Variants in LCA5 observed in about 807,000 individuals in gnomAD.
The protein encoded by LCA5 is lebercilin.
Under a neutral mutation model 53.0 loss-of-function variants are expected in LCA5, and 37 were observed. That is an observed-to-expected ratio of 0.70 (90% CI 0.54 to 0.92). The LOEUF (loss-of-function observed/expected upper bound fraction) is 0.92. LCA5 is among the 40% of genes least tolerant of loss of function. The probability of loss-of-function intolerance (pLI) is 0.00; values close to 1 mark genes in which losing one functional copy is unlikely to be tolerated. For synonymous variants in LCA5, 303 were observed against 282.9 expected, an observed-to-expected ratio of 1.07 and a Z score of -0.71; for missense variants, 806 against 790.5, an observed-to-expected ratio of 1.02 and a Z score of -0.23.
chr6:79,488,690 C>T (rs1442506012), intron 7 of LCA5: 4 of 312,996 alleles, frequency 1.3e-5, no homozygotes, highest in Non-Finnish European at 2.3e-5. Context: ...AACTCACTCA[C>T]AAATAGTTCT....
intron 3 of LCA5, among the ~76,000 whole-genome samples, chr6:79,508,014 T>C (rs1040310655): frequency 1.3e-5 from 2 of 152,128 alleles, no homozygotes. Context: ...AATATTAAAT[T>C]GAGGCTGATA....
intron 1 of LCA5, among the ~76,000 whole-genome samples, chr6:79,536,664 C>G (rs1454974644): frequency 6.6e-6 from 1 of 152,214 alleles, no homozygotes; most frequent in Non-Finnish European, 1.5e-5. Context: ...CGGCTTTCCA[C>G]TCTAACCACA....
intron 2 of LCA5, among the ~76,000 whole-genome samples, chr6:79,516,458 T>C (rs1057008081): frequency 6.6e-6 from 1 of 152,006 alleles, no homozygotes; most frequent in East Asian, 1.9e-4. Flanking sequence ...ACTTGTTTTA[T>C]ATGAAAAGTT....
rs1769649069 is a variant in LCA5, at chr6:79,486,227, T to G, written c.*777A>C. On this transcript the variant is annotated 3_prime_UTR_variant, in exon 8 of 8. Coordinates refer to ENST00000369846, the MANE Select transcript of LCA5 (RefSeq NM_001122769.3). ...TATTCCTTGCATTTGGCATGAAATC[T>G]TACACCCAGTCACTGAGATACAAAG... is the stretch of plus-strand genomic sequence containing the variant. The G allele has an allele frequency of 6.6e-6, 1 of 152,298 alleles. No individual in the cohort carries two copies. The highest frequency in any genetic ancestry group is 2.4e-5 in the African/African-American group (1 of 41,554). The allele number at this position is 152,298 out of a possible 1,614,324, so 9.4% of individuals were successfully genotyped here.
chr6:79,533,991 C>T (rs1348678066), intron 1 of LCA5, among the ~76,000 whole-genome samples: 1 of 150,144 alleles, frequency 6.7e-6, no homozygotes, highest in African/African-American at 2.4e-5. Context: ...CTCCTCCCCG[C>T]AAAAAAGATG....
rs1769660523 is a variant in LCA5 at position 79,486,549 on chromosome 6, T to C, written c.*455A>G. Reference sequence around the variant, plus strand: ...TGGCCCTATCCATAAAGGGAAGGGCTCCTAAGAAGCACTGGTTCTCCACCA... The same window carrying C: ...TGGCCCTATCCATAAAGGGAAGGGCCCCTAAGAAGCACTGGTTCTCCACCA... On this transcript the variant is annotated 3_prime_UTR_variant, in exon 8 of 8. Transcript: ENST00000369846. 6.3e-6 allele frequency: 1 copy of C among 159,676 alleles called. No homozygotes were observed. The highest frequency in any genetic ancestry group is 1.4e-5 in the Non-Finnish European group (1 of 73,384). 9.9% of individuals were successfully genotyped at this position (159,676 alleles called of 1,614,324 possible).
intron 3 of LCA5, among the ~76,000 whole-genome samples, chr6:79,509,453 C>CAA (rs55961532): frequency 8.3e-4 from 70 of 84,190 alleles, no homozygotes; most frequent in Admixed American, 4.5e-3. Flanking sequence ...GACTCCGTCT[C>CAA]AAAAAAAAAA....
chr6:79,513,247 C>G lies in LCA5; in HGVS notation c.685G>C (p.Glu229Gln), dbSNP rs770888765. ...DDLAKKLVSA[E>Q]LKLDDTERRI... ...CTCTCGGTGTCATCTAACTTTAACT[C>G]TGCTGAAACTAGTTTCTTTGCCAAA... The change falls in exon 3 of 8, where the codon GAG (glutamate) becomes CAG (glutamine). Residue 229 changes from glutamate to glutamine, a missense_variant. By Grantham distance (29) the Glu-to-Gln change is conservative. Transcript: ENST00000369846. The G allele has an allele frequency of 3.1e-5, 50 of 1,613,430 alleles. No homozygotes were observed. Among genetic ancestry groups the G allele is most frequent in the Non-Finnish European group, 4.2e-5 (49 of 1,179,732 alleles).
chr6:79,533,527 T>C (rs1286060916), intron 1 of LCA5, among the ~76,000 whole-genome samples: 1 of 150,310 alleles, frequency 6.7e-6, no homozygotes, highest in South Asian at 2.1e-4. Context: ...CAGCAATTAA[T>C]AGGAAGCTAC....
At chr6:79,526,856 A>G (rs1252872532) in intron 1 of LCA5, among the ~76,000 whole-genome samples, 2 of 152,156 alleles carry the variant, frequency 1.3e-5, no homozygotes, top group Non-Finnish European at 2.9e-5. Context: ...GTCCCCCTAC[A>G]AGCTATTATA....
chr6:79,515,196 T>C (rs1222682276), intron 2 of LCA5, among the ~76,000 whole-genome samples: 5 of 151,842 alleles, frequency 3.3e-5, no homozygotes, highest in Non-Finnish European at 7.4e-5. Context: ...ACCCAGCCCA[T>C]AGAAAGAAGA....
chr6:79,491,092 TG>T (rs1282204426), intron 6 of LCA5, among the ~76,000 whole-genome samples: 1 of 152,032 alleles, frequency 6.6e-6, no homozygotes, highest in Non-Finnish European at 1.5e-5. Context: ...ACAAATCATT[TG>T]AAAACTACTA....
chr6:79,531,363 A>G (rs1438741550), intron 1 of LCA5, among the ~76,000 whole-genome samples: 3 of 152,192 alleles, frequency 2.0e-5, no homozygotes, highest in Admixed American at 6.5e-5. Context: ...CCCTCTCTAC[A>G]GGATCATTCC....
intron 3 of LCA5, among the ~76,000 whole-genome samples, chr6:79,493,990 G>A (rs1319675834): frequency 6.6e-6 from 1 of 152,046 alleles, no homozygotes; most frequent in Non-Finnish European, 1.5e-5. Flanking sequence ...CTTAAGGCTG[G>A]GATGGTGGCT....
In LCA5 at chr6:79,500,331, GGAAA is replaced by G. The variant is rs1170368512; in HGVS notation, c.721-6585_721-6582del. Among the ~76,000 whole-genome samples the G allele has an allele frequency of 1.3e-4, 20 of 152,072 alleles. No individual in the cohort carries two copies. In the East Asian group the frequency reaches 3.7e-3, roughly 28 times the overall value. On this transcript the variant is annotated intron_variant, in intron 3 of 7. Transcript: ENST00000369846. ...TATCACAGAATTCTGTCTTGTTAAT[GGAAA>G]GAAATAAAGGATTAACATAATTTAA...
At chr6:79,509,939 T>C (rs1016569660) in intron 3 of LCA5, among the ~76,000 whole-genome samples, 10 of 152,190 alleles carry the variant, frequency 6.6e-5, no homozygotes, top group African/African-American at 2.2e-4. Context: ...AACTGATCTA[T>C]GTTTAATGCA....
chr6:79,508,258 A>G (rs1338732655), intron 3 of LCA5, among the ~76,000 whole-genome samples: 4 of 152,206 alleles, frequency 2.6e-5, no homozygotes, highest in African/African-American at 9.6e-5. Context: ...GACAACTGTC[A>G]TGGTGGTTGT....
intron 3 of LCA5, among the ~76,000 whole-genome samples, chr6:79,509,770 G>T (rs1770362650): frequency 6.6e-6 from 1 of 151,988 alleles, no homozygotes; most frequent in Admixed American, 6.6e-5. Context: ...TGCTCCAAAG[G>T]AAATAAAATA....
intron 6 of LCA5, among the ~76,000 whole-genome samples, chr6:79,490,599 G>C (rs1488000054): frequency 6.6e-6 from 1 of 152,014 alleles, no homozygotes; most frequent in East Asian, 1.9e-4. Flanking sequence ...AAATCAACAT[G>C]ATCTAGTCTC....
Sources: gnomAD v4.1 joint callset for allele counts (sites outside exome capture counted in the v4.1 genomes callset) on GRCh38, gnomAD v4.1.1 for gene constraint, MANE v1.5 for transcripts, NCBI Gene and HGNC (gene_info 2026-07-23, HGNC 2026-07-21) for gene names.